SND1: variants seen among roughly 807,000 people sequenced by gnomAD.
SND1 encodes the protein staphylococcal nuclease and tudor domain containing 1.
In SND1, 38 loss-of-function variants were observed where a neutral mutation model predicts 121.7. The ratio of observed to expected loss-of-function variants is 0.31; its 90% CI spans 0.24 to 0.41. SND1 has a LOEUF of 0.41. Ranked by LOEUF, SND1 falls within the 10% of genes least tolerant of loss-of-function variation. The pLI, the probability that SND1 is intolerant of heterozygous loss-of-function variation, is 1.00. For missense variants in SND1, 868 were observed against 1,184.6 expected (o/e 0.73, Z 3.92); for synonymous variants, 401 against 447.4 (o/e 0.90, Z 1.31).
chr7:127,889,332 C>T (rs1799967187), intron 13 of SND1, among the ~76,000 whole-genome samples: 1 of 151,830 alleles, frequency 6.6e-6, no homozygotes, highest in South Asian at 2.1e-4. Context: ...CATGATTTCT[C>T]ATGATCTTGG....
chr7:128,016,402 T>C (rs1803225932), intron 16 of SND1, among the ~76,000 whole-genome samples: 1 of 152,228 alleles, frequency 6.6e-6, no homozygotes, highest in Admixed American at 6.5e-5. Flanking sequence ...TAAAATACTT[T>C]ACTGGCACCT....
chr7:127,687,270 C>G (rs1274045618), intron 2 of SND1: 1 of 152,202 alleles, frequency 6.6e-6, no homozygotes, highest in Non-Finnish European at 1.5e-5. Context: ...TTTCATAAAT[C>G]GTAGCATGCT....
chr7:127,878,010 C>T (rs1423716134), intron 12 of SND1, among the ~76,000 whole-genome samples: 2 of 152,060 alleles, frequency 1.3e-5, no homozygotes, highest in Non-Finnish European at 2.9e-5. Context: ...CCCTTCCCTA[C>T]CTCCCTTGTT....
At chr7:127,957,371 C>G (rs1397279792) in intron 15 of SND1, among the ~76,000 whole-genome samples, 1 of 152,098 alleles carries the variant, frequency 6.6e-6, no homozygotes, top group Admixed American at 6.5e-5. Flanking sequence ...GTTAGATGGC[C>G]CTATCGTTGT....
chr7:127,904,827 G>C lies in SND1; in HGVS notation c.1527+8G>C. 1 of 1,580,372 alleles carries C rather than the reference G, an allele frequency of 6.3e-7. No homozygotes were observed. The highest frequency in any genetic ancestry group is 8.7e-7 in the Non-Finnish European group (1 of 1,149,416). On this transcript the variant is annotated splice_region_variant and intron_variant, in intron 14 of 23. Coordinates refer to ENST00000354725, the MANE Select transcript of SND1 (RefSeq NM_014390.4). The stretch of plus-strand genomic sequence containing the variant: ...GTTGCAGATATATCTGGGGTGAGTC[G>C]AGTCCCTGAATCAAGCTGTGTGGCT...
chr7:127,956,597 T>A (rs1801598942), intron 15 of SND1, among the ~76,000 whole-genome samples: 1 of 152,150 alleles, frequency 6.6e-6, no homozygotes, highest in Non-Finnish European at 1.5e-5. Flanking sequence ...CTTCAGCAGA[T>A]CCCTAAGTCC....
At chr7:127,972,202 C>A (rs1802007611) in intron 15 of SND1, among the ~76,000 whole-genome samples, 1 of 152,108 alleles carries the variant, frequency 6.6e-6, no homozygotes, top group African/African-American at 2.4e-5. Flanking sequence ...TCCTTTCCGA[C>A]CTCGGTCATC....
chr7:127,721,250 T>C, intron 9 of SND1, 37 bp from the exon 10 acceptor site: 9 of 1,454,650 alleles, frequency 6.2e-6, no homozygotes, highest in Non-Finnish European at 8.7e-6. Flanking sequence ...ATGGGGGCCA[T>C]AGAAGCAGGT....
chr7:128,087,922 A>G (rs1479040688), intron 21 of SND1, among the ~76,000 whole-genome samples: 1 of 152,090 alleles, frequency 6.6e-6, no homozygotes, highest in Non-Finnish European at 1.5e-5. Flanking sequence ...ATCCCCCGGG[A>G]GCTCAGGCAG....
intron 12 of SND1, among the ~76,000 whole-genome samples, chr7:127,874,104 A>C (rs1799646083): frequency 6.6e-6 from 1 of 152,054 alleles, no homozygotes; most frequent in Non-Finnish European, 1.5e-5. Context: ...TGTAAATGAA[A>C]TTTGACTCTT....
In SND1 at chr7:127,685,717, G is replaced by A. The variant is rs529715800; in HGVS notation, c.79-896G>A. On this transcript the variant is annotated intron_variant, in intron 1 of 23. Transcript: ENST00000354725. ...CACTGACTGCACTTGGGAGCCTTAA[G>A]GTGTTTATTAGATTCTTACGTTTTA... 6.6e-5 allele frequency among the ~76,000 whole-genome samples: 10 copies of A among 152,292 alleles called. No individual in the cohort carries two copies. The South Asian group carries it at 1.9e-3, about 28-fold the overall frequency.
chr7:128,033,524 T>C (rs950223558), intron 16 of SND1, among the ~76,000 whole-genome samples: 6 of 152,324 alleles, frequency 3.9e-5, no homozygotes, highest in Admixed American at 2.6e-4. Flanking sequence ...CTCTGGTTTC[T>C]ACCACACCTA....
chr7:127,991,373 GC>G (rs1319464663), intron 16 of SND1, among the ~76,000 whole-genome samples: 6 of 152,212 alleles, frequency 3.9e-5, no homozygotes, highest in African/African-American at 1.4e-4. Context: ...CCTGTCTCCA[GC>G]TGGATTTAGA....
chr7:127,840,732 G>C (rs1798949371), intron 11 of SND1, among the ~76,000 whole-genome samples: 1 of 152,186 alleles, frequency 6.6e-6, no homozygotes, highest in Admixed American at 6.5e-5. Flanking sequence ...AGAATCCACA[G>C]GGGAGGGACA....
chr7:127,660,492 T>C (rs1419568179), intron 1 of SND1, among the ~76,000 whole-genome samples: 1 of 152,176 alleles, frequency 6.6e-6, no homozygotes, highest in African/African-American at 2.4e-5. Context: ...TCTTTTTCAG[T>C]TCTATTTAAT....
At chr7:127,850,375 G>A (rs915870666) in intron 12 of SND1, among the ~76,000 whole-genome samples, 6 of 152,070 alleles carry the variant, frequency 3.9e-5, no homozygotes, top group Non-Finnish European at 8.8e-5. Context: ...CTCTTGAATC[G>A]CTCTTTTCTG....
chr7:127,679,587 C>G (rs1411222868), intron 1 of SND1, among the ~76,000 whole-genome samples: 2 of 152,108 alleles, frequency 1.3e-5, no homozygotes, highest in Non-Finnish European at 1.5e-5. Flanking sequence ...AGTATATTCC[C>G]CACTCTCCCC....
chr7:127,730,792 A>G (rs533498367), intron 10 of SND1, among the ~76,000 whole-genome samples: 1 of 152,178 alleles, frequency 6.6e-6, no homozygotes, highest in South Asian at 2.1e-4. Context: ...TTGCATCCTC[A>G]CTGGGGGCCT....
chr7:127,864,984 A>G (rs909691321), intron 12 of SND1, among the ~76,000 whole-genome samples: 1 of 152,222 alleles, frequency 6.6e-6, no homozygotes, highest in Non-Finnish European at 1.5e-5. Context: ...CATGTTATAG[A>G]AGCACCATTT....
Sources: gnomAD v4.1 joint callset for allele counts (sites outside exome capture counted in the v4.1 genomes callset) on GRCh38, gnomAD v4.1.1 for gene constraint, MANE v1.5 for transcripts, NCBI Gene and HGNC (gene_info 2026-07-23, HGNC 2026-07-21) for gene names.